PTP4A2: variants seen among roughly 807,000 people sequenced by gnomAD.
PTP4A2 encodes protein tyrosine phosphatase type IVA 2.
A neutral mutation model predicts 22.9 loss-of-function variants in PTP4A2; 2 were observed. The observed-to-expected ratio is 0.09, with a 90% CI of 0.04 to 0.27. The LOEUF is 0.27. Among genes scored for constraint, PTP4A2 ranks in the 10% least tolerant of loss-of-function variants. PTP4A2 has a pLI of 1.00. For missense variants in PTP4A2, 103 were observed against 205.1 expected, an observed-to-expected ratio of 0.50 and a Z score of 3.04; for synonymous variants, 68 against 69.1, an observed-to-expected ratio of 0.98 and a Z score of 0.08.
chr1:31,922,588 TTCTTTCTTTCTTTCTTTCTTTCTTTC>T (rs2124210001), intron 1 of PTP4A2, among the ~76,000 whole-genome samples: 1 of 11,134 alleles, frequency 9.0e-5, no homozygotes, highest in South Asian at 3.0e-3. Context: ...CCAGGTTTGT[TTCTTTCTTTCTTTCTTTCTTTCTTTC>T]TTTCTTTCTT....
chr1:31,913,996 T>C, intron 3 of PTP4A2: 1 of 413,098 alleles, frequency 2.4e-6, no homozygotes, highest in South Asian at 1.8e-5. Context: ...TTCCCAGTGA[T>C]TTCCAGCAGT....
Position 31,908,122 on chromosome 1 carries a change from A to ATCACTGCTGTTT in PTP4A2, c.*729_*730insAAACAGCAGTGA, listed in dbSNP as rs1651283957. ...TAAAAACCACCTGGAAAATATATATATATATATATATATTATATTATATAT... is the reference window on the plus strand; with the variant it reads ...TAAAAACCACCTGGAAAATATATATATCACTGCTGTTTTATATATATATATTATATTATATAT... On this transcript the variant is annotated 3_prime_UTR_variant, in exon 6 of 6. Transcript: ENST00000647444. The ATCACTGCTGTTT allele has an allele frequency of 2.3e-3, 1 of 442 alleles. No homozygotes were observed. The highest frequency in any genetic ancestry group is 8.1e-3 in the African/African-American group (1 of 124). 0.0% of individuals were successfully genotyped at this position (442 alleles called of 1,614,324 possible). A position where few individuals can be genotyped will look rare whatever the true frequency, so the allele number is the denominator to read the frequency against.
intron 3 of PTP4A2, 102 bp from the exon 4 acceptor site, chr1:31,911,928 C>G (rs942745508): frequency 1.3e-5 from 9 of 697,776 alleles, no homozygotes; most frequent in African/African-American, 5.6e-5. Context: ...CCTAACTGAA[C>G]TAACTGCACT....
In PTP4A2 at chr1:31,906,968, C is replaced by T. The variant is rs996619083; in HGVS notation, c.*1884G>A. ...TCTGAAATAAAGAATTTTGGATATACCATTATGTTTTAAAGTCCTAGAAAC... is the reference window on the plus strand; with the variant it reads ...TCTGAAATAAAGAATTTTGGATATATCATTATGTTTTAAAGTCCTAGAAAC... On this transcript the variant is annotated 3_prime_UTR_variant, in exon 6 of 6. Transcript: ENST00000647444. 2.0e-5 allele frequency: 3 copies of T among 152,060 alleles called. No individual in the cohort carries two copies. The highest frequency in any genetic ancestry group is 7.3e-5 in the African/African-American group (3 of 41,376). 9.4% of individuals were successfully genotyped at this position (152,060 alleles called of 1,614,324 possible).
rs558288535 is a variant in PTP4A2, at chr1:31,928,201, ATATAT to A, written c.-593-8548_-593-8544del. Among the ~76,000 whole-genome samples the A allele has an allele frequency of 6.0e-3, 862 of 143,250 alleles. 6 individuals are homozygous for A. The highest frequency in any genetic ancestry group is 0.025 in the South Asian group (112 of 4,420). 94.0% of individuals were successfully genotyped at this position (143,250 alleles called of 152,430 possible). ...CAAATATATATTATAACATATATTT[ATATAT>A]TATAATATATAAATATAATAATATA... On this transcript the variant is annotated intron_variant, in intron 1 of 5. Coordinates refer to ENST00000647444, the MANE Select transcript of PTP4A2 (RefSeq NM_080391.4).
At chr1:31,935,947 A>G (rs564239886) in intron 1 of PTP4A2, among the ~76,000 whole-genome samples, 1 of 151,924 alleles carries the variant, frequency 6.6e-6, no homozygotes, top group South Asian at 2.1e-4. Context: ...GGCACGCACT[A>G]CCACGCCTAA....
intron 1 of PTP4A2, among the ~76,000 whole-genome samples, chr1:31,923,259 T>G (rs932461899): frequency 3.3e-5 from 5 of 151,354 alleles, no homozygotes; most frequent in African/African-American, 4.9e-5. Flanking sequence ...CAGGCTGGAA[T>G]GCAGTGGTGC....
Position 31,913,489 on chromosome 1 carries a change from C to T in PTP4A2, c.190-1663G>A, listed in dbSNP as rs867022435. Among the ~76,000 whole-genome samples the T allele has an allele frequency of 2.7e-4, 41 of 152,094 alleles. 1 individual carries two copies. Among genetic ancestry groups the T allele is most frequent in the African/African-American group, 9.2e-4 (38 of 41,434 alleles). ...CTTTTAGTTCTTTAAGGAATCTCCA[C>T]GCTGTTTTCTATAGTGGTTGTACTA... On this transcript the variant is annotated intron_variant, in intron 3 of 5. Coordinates refer to ENST00000647444, the MANE Select transcript of PTP4A2 (RefSeq NM_080391.4).
At chr1:31,932,808 A>C (rs528713017) in intron 1 of PTP4A2, 14 of 151,686 alleles carry the variant, frequency 9.2e-5, no homozygotes, top group Non-Finnish European at 1.9e-4. Flanking sequence ...AAAGAGCAAA[A>C]AGATTTTCAC....
At chr1:31,936,303 G>A (rs1015109008) in intron 1 of PTP4A2, among the ~76,000 whole-genome samples, 2 of 151,942 alleles carry the variant, frequency 1.3e-5, no homozygotes, top group African/African-American at 4.8e-5. Context: ...GCCGGGTGTG[G>A]TGGCACACAC....
At chr1:31,923,486 T>C (rs922506895) in intron 1 of PTP4A2, among the ~76,000 whole-genome samples, 32 of 151,146 alleles carry the variant, frequency 2.1e-4, no homozygotes, top group Admixed American at 1.3e-3. Flanking sequence ...AGGCGCCCGC[T>C]ACCACGCCCG....
In PTP4A2 at chr1:31,908,126, ATATATATAT is replaced by A. The variant is rs1437928980; in HGVS notation, c.*717_*725del. ...AACCACCTGGAAAATATATATATAT[ATATATATAT>A]TATATTATATATATATATATATATA... On this transcript the variant is annotated 3_prime_UTR_variant, in exon 6 of 6. Coordinates refer to ENST00000647444, the MANE Select transcript of PTP4A2 (RefSeq NM_080391.4). The A allele has an allele frequency of 6.4e-3, 3 of 470 alleles. No individual in the cohort carries two copies. Among genetic ancestry groups the A allele is most frequent in the Non-Finnish European group, 0.011 (3 of 266 alleles). 0.0% of individuals were successfully genotyped at this position (470 alleles called of 1,614,324 possible).
At chr1:31,920,363 A>C (rs1652081414) in intron 1 of PTP4A2, among the ~76,000 whole-genome samples, 1 of 151,194 alleles carries the variant, frequency 6.6e-6, no homozygotes, top group Non-Finnish European at 1.5e-5. Context: ...GAATTGCTTG[A>C]ACCTGGGAGG....
intron 5 of PTP4A2, among the ~76,000 whole-genome samples, chr1:31,909,413 C>T (rs896437951): frequency 6.6e-6 from 1 of 152,046 alleles, no homozygotes; most frequent in Non-Finnish European, 1.5e-5. Context: ...TGGTGGCTCA[C>T]GCCTGTAATC....
intron 1 of PTP4A2, among the ~76,000 whole-genome samples, chr1:31,926,146 A>AT (rs1420431368): frequency 2.8e-4 from 39 of 138,058 alleles, no homozygotes; most frequent in East Asian, 1.3e-3. Context: ...AAAAAAAAAA[A>AT]AAAATATATA....
chr1:31,932,893 G>A (rs182020774), intron 1 of PTP4A2: 159 of 152,346 alleles, frequency 1.0e-3, no homozygotes, highest in African/African-American at 3.5e-3. Flanking sequence ...GGGAGTCAAG[G>A]GAGCCCATAG....
chr1:31,915,743 T>C (rs1170921870), intron 3 of PTP4A2, 152 bp downstream of exon 3: 5 of 571,400 alleles, frequency 8.8e-6, no homozygotes, highest in East Asian at 3.1e-5. Flanking sequence ...TCTCGCCACA[T>C]TGCCCAGGCT....
chr1:31,908,713 A>G lies in PTP4A2; in HGVS notation c.*139T>C. ...TTTCTTTTTTGTTTGCTTTTGTTCC[A>G]ATCATTAGGAGAGTGGTTGAGGAGT... On this transcript the variant is annotated 3_prime_UTR_variant, in exon 6 of 6. Transcript: ENST00000647444. The G allele has an allele frequency of 2.0e-6, 1 of 510,794 alleles. No individual in the cohort carries two copies. The highest frequency in any genetic ancestry group is 3.1e-5 in the East Asian group (1 of 31,814). 31.6% of individuals were successfully genotyped at this position (510,794 alleles called of 1,614,324 possible). A position where few individuals can be genotyped will look rare whatever the true frequency, so the allele number is the denominator to read the frequency against.
intron 2 of PTP4A2, among the ~76,000 whole-genome samples, chr1:31,918,471 T>C (rs1005472585): frequency 3.3e-5 from 5 of 152,312 alleles, no homozygotes; most frequent in African/African-American, 1.2e-4. Flanking sequence ...ACATACAGAA[T>C]GGTTTTTAGT....
Sources: gnomAD v4.1 joint callset for allele counts (sites outside exome capture counted in the v4.1 genomes callset) on GRCh38, gnomAD v4.1.1 for gene constraint, MANE v1.5 for transcripts, NCBI Gene and HGNC (gene_info 2026-07-23, HGNC 2026-07-21) for gene names.